Variants in SPOCK3 observed in about 807,000 individuals in gnomAD.
SPOCK3 encodes the protein SPARC (osteonectin), cwcv and kazal like domains proteoglycan 3.
Under a neutral mutation model 56.6 loss-of-function variants are expected in SPOCK3, and 30 were observed. The observed-to-expected ratio is 0.53, with a 90% CI of 0.40 to 0.72. The LOEUF (loss-of-function observed/expected upper bound fraction) is 0.72, where lower values mean the gene tolerates loss of function less well. SPOCK3 is among the 30% of genes least tolerant of loss of function. The probability of loss-of-function intolerance (pLI) is 0.00; values close to 1 mark genes in which losing one functional copy is unlikely to be tolerated. For synonymous variants in SPOCK3, 196 were observed against 183.3 expected, an observed-to-expected ratio of 1.07 and a Z score of -0.56; for missense variants, 527 against 530.0, an observed-to-expected ratio of 0.99 and a Z score of 0.06.
chr4:166,999,940 T>A (rs1287865789), intron 4 of SPOCK3, among the ~76,000 whole-genome samples: 1 of 152,154 alleles, frequency 6.6e-6, no homozygotes, highest in African/African-American at 2.4e-5. Flanking sequence ...TGACTTTTAA[T>A]CTCTTTTTAT....
intron 3 of SPOCK3, among the ~76,000 whole-genome samples, chr4:167,013,394 T>C (rs1160339642): frequency 6.6e-6 from 1 of 151,718 alleles, no homozygotes; most frequent in Non-Finnish European, 1.5e-5. Context: ...TGTCAATATA[T>C]AATATTGTCT....
At chr4:166,842,303 T>C (rs1747514077) in intron 6 of SPOCK3, among the ~76,000 whole-genome samples, 1 of 152,166 alleles carries the variant, frequency 6.6e-6, no homozygotes. Context: ...CATATCCTGC[T>C]GATTGGTCCA....
intron 8 of SPOCK3, among the ~76,000 whole-genome samples, chr4:166,751,106 C>T (rs1422252189): frequency 6.6e-6 from 1 of 152,174 alleles, no homozygotes; most frequent in Non-Finnish European, 1.5e-5. Flanking sequence ...CGTTATTGGT[C>T]ACGTAGCCTC....
rs557302494 is a variant in SPOCK3, at chr4:167,116,706, G to A, written c.190-54169C>T. ...ATATACACACATATAGTATATATAC[G>A]TATATAGTATATATGTATATATACA... is the stretch of plus-strand genomic sequence containing the variant. On this transcript the variant is annotated intron_variant, in intron 2 of 10. Transcript: ENST00000357545. Among the ~76,000 whole-genome samples the A allele has an allele frequency of 2.4e-3, 239 of 100,058 alleles. 1 individual carries two copies. The highest frequency in any genetic ancestry group is 3.3e-3 in the Non-Finnish European group (174 of 53,138). The allele number at this position is 100,058 out of a possible 152,430, so 65.6% of individuals were successfully genotyped here.
chr4:167,233,833 G>A (rs562757944), intron 2 of SPOCK3, 152 bp downstream of exon 2: 3 of 674,584 alleles, frequency 4.4e-6, no homozygotes, highest in Admixed American at 2.6e-5. Flanking sequence ...CAGCGGAACT[G>A]TGAACTTCTC....
At chr4:167,082,274 T>C (rs746727584) in intron 2 of SPOCK3, among the ~76,000 whole-genome samples, 2 of 152,100 alleles carry the variant, frequency 1.3e-5, no homozygotes, top group Non-Finnish European at 2.9e-5. Flanking sequence ...TATGGTTGGA[T>C]AGAAAAAGTG....
chr4:166,791,530 A>G (rs1741347330), intron 7 of SPOCK3, among the ~76,000 whole-genome samples: 2 of 152,172 alleles, frequency 1.3e-5, no homozygotes, highest in African/African-American at 4.8e-5. Flanking sequence ...TGATAAACAC[A>G]TTTTTATACA....
intron 4 of SPOCK3, among the ~76,000 whole-genome samples, chr4:166,984,559 A>G (rs1298415717): frequency 6.6e-6 from 1 of 152,112 alleles, no homozygotes; most frequent in African/African-American, 2.4e-5. Context: ...TGGCATAAGG[A>G]TCAACAGGAG....
Position 167,011,431 on chromosome 4 carries a change from C to T in SPOCK3, c.236-10968G>A, listed in dbSNP as rs527562485. The T allele has an allele frequency of 2.1e-3, 494 of 237,534 alleles. 1 individual carries two copies. Among genetic ancestry groups the T allele is most frequent in the African/African-American group, 0.01 (461 of 44,714 alleles). The allele number at this position is 237,534 out of a possible 1,614,324, so 14.7% of individuals were successfully genotyped here. A position where few individuals can be genotyped will look rare whatever the true frequency, so the allele number is the denominator to read the frequency against. On this transcript the variant is annotated intron_variant, in intron 3 of 10. Coordinates refer to ENST00000357545, the MANE Select transcript of SPOCK3 (RefSeq NM_001040159.2). ...TCCATGCCCCAGTATTCCTCAACCT[C>T]TACTTTGTATTGTTACTTTCCTCCA...
rs561311733 is a variant in SPOCK3, at chr4:167,006,697, T to G, written c.236-6234A>C. Among the ~76,000 whole-genome samples the G allele has an allele frequency of 1.8e-4, 28 of 152,316 alleles. No homozygotes were observed. The East Asian group carries it at 3.7e-3, about 20-fold the overall frequency. ...ATTTTAATGCAAAATACAGACTTTT[T>G]GGGGAAACCTTTAACTATTTGATCT... On this transcript the variant is annotated intron_variant, in intron 3 of 10. Transcript: ENST00000357545.
rs769979208 is a variant in SPOCK3 at position 166,792,201 on chromosome 4, C to G, written c.678G>C (p.Lys226Asn). The change falls in exon 7 of 11, where the codon AAG (lysine) becomes AAC (asparagine). Residue 226 changes from lysine to asparagine, a missense_variant. Lys to Asn is a moderately conservative substitution (Grantham distance 94). Transcript: ENST00000357545. ...ALHESGSQNK[K>N]TKTLLRPERS... ...TCTCAGGCCTCAGCAATGTTTTTGT[C>G]TTCTTGTTTTGACTTCCACTTTCAT... The G allele has an allele frequency of 2.5e-6, 4 of 1,613,860 alleles. No homozygotes were observed. The South Asian group carries it at 4.4e-5, about 18-fold the overall frequency.
chr4:166,816,923 G>C (rs1411323608), intron 6 of SPOCK3, among the ~76,000 whole-genome samples: 1 of 151,962 alleles, frequency 6.6e-6, no homozygotes, highest in African/African-American at 2.4e-5. Flanking sequence ...TTTGTACTGG[G>C]TGCACCATTT....
chr4:166,885,651 T>C (rs889278637), intron 6 of SPOCK3, among the ~76,000 whole-genome samples: 3 of 138,234 alleles, frequency 2.2e-5, no homozygotes, highest in Non-Finnish European at 4.7e-5. Context: ...CCTTCTCTAT[T>C]CAGGCTTCAC....
intron 3 of SPOCK3, among the ~76,000 whole-genome samples, chr4:167,055,358 C>A (rs1484483168): frequency 2.0e-5 from 3 of 152,204 alleles, no homozygotes; most frequent in Non-Finnish European, 4.4e-5. Context: ...CGGTCTACAG[C>A]TCCCAGCGTG....
chr4:167,005,309 A>T (rs1456317528), intron 3 of SPOCK3, among the ~76,000 whole-genome samples: 2 of 151,814 alleles, frequency 1.3e-5, no homozygotes, highest in Non-Finnish European at 2.9e-5. Context: ...TCCCGGGTTC[A>T]TGCCATTCTC....
At chr4:167,007,023 C>T (rs1392348458) in intron 3 of SPOCK3, among the ~76,000 whole-genome samples, 1 of 152,170 alleles carries the variant, frequency 6.6e-6, no homozygotes, top group Non-Finnish European at 1.5e-5. Flanking sequence ...GTTGTTATCA[C>T]TAGAATTCAT....
At chr4:167,109,144 A>T (rs1362793946) in intron 2 of SPOCK3, among the ~76,000 whole-genome samples, 12 of 64,562 alleles carry the variant, frequency 1.9e-4, no homozygotes, top group East Asian at 5.3e-4. Context: ...TTTATATAAA[A>T]ATATATATAA....
chr4:166,900,345 G>T lies in SPOCK3; in HGVS notation c.475-11101C>A, dbSNP rs576535240. ...AGAATCTGATATTGTTGGGCATTGG[G>T]ATTGGCTCTTAAAAAATAAACTCAA... On this transcript the variant is annotated intron_variant, in intron 5 of 10. Coordinates refer to ENST00000357545, the MANE Select transcript of SPOCK3 (RefSeq NM_001040159.2). Among the ~76,000 whole-genome samples the T allele has an allele frequency of 1.3e-3, 205 of 152,182 alleles. 5 individuals carry two copies. In the South Asian group the frequency reaches 0.041, roughly 31 times the overall value.
At chr4:167,100,455 T>A (rs758070004) in intron 2 of SPOCK3, among the ~76,000 whole-genome samples, 5 of 150,246 alleles carry the variant, frequency 3.3e-5, no homozygotes, top group Non-Finnish European at 7.4e-5. Context: ...TCTCTCTCTC[T>A]CTCACACACA....
Sources: allele counts gnomAD v4.1 joint callset (sites outside exome capture counted in the v4.1 genomes callset), GRCh38; gene constraint gnomAD v4.1.1; transcripts MANE v1.5; gene names NCBI Gene and HGNC (gene_info 2026-07-23, HGNC 2026-07-21).